NAA15: variants seen among roughly 807,000 people sequenced by gnomAD.
The protein encoded by NAA15 is N-alpha-acetyltransferase 15, NatA auxiliary subunit.
A neutral mutation model predicts 114.0 loss-of-function variants in NAA15; 34 were observed. That is an observed-to-expected ratio of 0.30 (90% confidence interval 0.23 to 0.40). The LOEUF is 0.40. Ranked by LOEUF, NAA15 falls within the 10% of genes least tolerant of loss-of-function variation. The pLI, the probability that NAA15 is intolerant of heterozygous loss-of-function variation, is 1.00. For missense variants in NAA15, 658 were observed against 1,004.5 expected, an observed-to-expected ratio of 0.66 and a Z score of 4.66; for synonymous variants, 340 against 338.0, an observed-to-expected ratio of 1.01 and a Z score of -0.06.
intron 15 of NAA15, among the ~76,000 whole-genome samples, chr4:139,372,375 T>C (rs1246439048): frequency 6.6e-6 from 1 of 152,218 alleles, no homozygotes; most frequent in Admixed American, 6.5e-5. Context: ...GATAACAACC[T>C]GTGGTCTAAT....
At chr4:139,376,520 T>G (rs1421548741) in intron 16 of NAA15, 47 bp downstream of exon 16, 1 of 1,153,354 alleles carries the variant, frequency 8.7e-7, no homozygotes, top group East Asian at 2.3e-5. Flanking sequence ...ATCACTGTAT[T>G]TCTTAGGTAT....
chr4:139,301,885 C>T (rs1442529492), intron 1 of NAA15, 54 bp downstream of exon 1: 4 of 1,539,950 alleles, frequency 2.6e-6, no homozygotes, highest in Admixed American at 1.9e-5. Context: ...GTAACCGGGC[C>T]TGTCACCCCT....
intron 4 of NAA15, among the ~76,000 whole-genome samples, chr4:139,342,555 T>A (rs1747444595): frequency 6.6e-6 from 1 of 150,772 alleles, no homozygotes; most frequent in African/African-American, 2.5e-5. Context: ...GTTCAAGTGA[T>A]TCTCCCGCCT....
Position 139,384,933 on chromosome 4 carries a change from A to T in NAA15, c.2257A>T (p.Thr753Ser). 6.4e-7 allele frequency: 1 copy of T among 1,567,938 alleles called. No homozygotes were observed. The highest frequency in any genetic ancestry group is 1.2e-5 in the South Asian group (1 of 81,046). The change falls in exon 18 of 20, where the codon ACT becomes TCT. Residue 753 changes from threonine (T) to serine (S), a missense_variant. By Grantham distance (58) the Thr-to-Ser change is moderately conservative. Transcript: ENST00000296543. ...GATNPKNFNE[T>S]FLKRNSDSLP... The stretch of plus-strand genomic sequence containing the variant: ...AACGAATCCAAAGAATTTTAATGAA[A>T]CTTTTCTGAAAAGGAATTCTGATTC...
At chr4:139,374,010 T>A (rs1230040824) in intron 15 of NAA15, among the ~76,000 whole-genome samples, 1 of 152,012 alleles carries the variant, frequency 6.6e-6, no homozygotes, top group Non-Finnish European at 1.5e-5. Context: ...CAGCCTAGCA[T>A]TTTTTTTCCT....
intron 1 of NAA15, 71 bp downstream of exon 1, chr4:139,301,902 G>GGCCCGGCGGGCACTGAGCCACTCCC: frequency 6.7e-7 from 1 of 1,500,090 alleles, no homozygotes; most frequent in African/African-American, 1.4e-5. Context: ...CCCTAACCTC[G>GGCCCGGCGGGCACTGAGCCACTCCC]GCCCGGCGGG....
intron 1 of NAA15, 135 bp downstream of exon 1, chr4:139,301,966 T>TG (rs1490452283): frequency 7.7e-6 from 7 of 907,856 alleles, no homozygotes; most frequent in Non-Finnish European, 1.2e-5. Context: ...TCAGGCCGAA[T>TG]GCATTGCTTT....
At chr4:139,355,189 C>T (rs1157655130) in intron 10 of NAA15, among the ~76,000 whole-genome samples, 1 of 152,072 alleles carries the variant, frequency 6.6e-6, no homozygotes, top group African/African-American at 2.4e-5. Context: ...AAAATTAATA[C>T]TTTCTTAATA....
At chr4:139,360,106 T>C (rs1405040487) in intron 12 of NAA15, among the ~76,000 whole-genome samples, 1 of 152,202 alleles carries the variant, frequency 6.6e-6, no homozygotes, top group Non-Finnish European at 1.5e-5. Context: ...ACTTTTAAAC[T>C]GGTTTATATT....
intron 1 of NAA15, among the ~76,000 whole-genome samples, chr4:139,310,817 C>G (rs899034029): frequency 6.6e-6 from 1 of 151,702 alleles, no homozygotes; most frequent in Non-Finnish European, 1.5e-5. Flanking sequence ...CGGGGTTTCA[C>G]CATGTTGGCC....
chr4:139,362,015 A>G (rs1213914402), intron 14 of NAA15, 78 bp downstream of exon 14: 2 of 996,896 alleles, frequency 2.0e-6, no homozygotes, highest in East Asian at 2.5e-5. Context: ...ATTTAATAGT[A>G]TTGCTCCATG....
chr4:139,314,905 T>A (rs1210983656), intron 1 of NAA15, among the ~76,000 whole-genome samples: 1 of 151,754 alleles, frequency 6.6e-6, no homozygotes, highest in Non-Finnish European at 1.5e-5. Context: ...CTCAATCTCT[T>A]GACATTGTGA....
intron 1 of NAA15, among the ~76,000 whole-genome samples, chr4:139,329,575 C>A (rs1167224458): frequency 3.3e-5 from 5 of 152,078 alleles, no homozygotes; most frequent in Non-Finnish European, 5.9e-5. Context: ...TAAGGAATGA[C>A]CTTTTTGCAG....
chr4:139,361,834 G>C lies in NAA15; in HGVS notation c.1650G>C (p.Gln550His). 3 of 1,613,356 alleles carry C rather than the reference G, an allele frequency of 1.9e-6. No homozygotes were observed. Among genetic ancestry groups the C allele is most frequent in the Non-Finnish European group, 2.5e-6 (3 of 1,179,472 alleles). ...DLLKLEDVLR[Q>H]HPFYFKAARI... ...TAAAACTAGAAGATGTACTTCGACAGCATCCATTTTACTTCAAGGCAGCAA... is the reference window on the plus strand; with the variant it reads ...TAAAACTAGAAGATGTACTTCGACACCATCCATTTTACTTCAAGGCAGCAA... The change falls in exon 14 of 20, where the codon CAG (glutamine) becomes CAC (histidine). Residue 550 changes from glutamine (Q) to histidine (H), a missense_variant. Transcript: ENST00000296543.
chr4:139,308,130 T>A (rs1199671766), intron 1 of NAA15, among the ~76,000 whole-genome samples: 1 of 151,784 alleles, frequency 6.6e-6, no homozygotes, highest in East Asian at 1.9e-4. Flanking sequence ...CCCAGCTAAT[T>A]TTTTGTATTT....
chr4:139,326,446 A>G (rs1579094731), intron 1 of NAA15, among the ~76,000 whole-genome samples: 2 of 152,208 alleles, frequency 1.3e-5, no homozygotes, highest in East Asian at 1.9e-4. Flanking sequence ...AGTGTTTTAC[A>G]TGTCTTTTTC....
Position 139,388,900 on chromosome 4 carries a change from CA to C in NAA15, c.*818del, listed in dbSNP as rs1255525250. 2 of 152,564 alleles carry C rather than the reference CA, an allele frequency of 1.3e-5. No homozygotes were observed. 9.5% of individuals were successfully genotyped at this position (152,564 alleles called of 1,614,324 possible). ...CTGTGATGTGGCACCAACTAATTAG[CA>C]AGCATGAATTTTTCACCCAAGAGTG... is the stretch of plus-strand genomic sequence containing the variant. On this transcript the variant is annotated 3_prime_UTR_variant, in exon 20 of 20. Coordinates refer to ENST00000296543, the MANE Select transcript of NAA15 (RefSeq NM_057175.5).
chr4:139,343,486 C>A (rs991156358), intron 5 of NAA15, among the ~76,000 whole-genome samples: 1 of 151,994 alleles, frequency 6.6e-6, no homozygotes, highest in Admixed American at 6.6e-5. Context: ...CTCTTTTAAT[C>A]TGAAACAGTT....
chr4:139,344,381 T>A, intron 6 of NAA15, 42 bp downstream of exon 6: 1 of 1,540,014 alleles, frequency 6.5e-7, no homozygotes, highest in Non-Finnish European at 8.9e-7. Flanking sequence ...TATTGAAATA[T>A]GACAGAGCAA....
Sources: gnomAD v4.1 joint callset for allele counts (sites outside exome capture counted in the v4.1 genomes callset) on GRCh38, gnomAD v4.1.1 for gene constraint, MANE v1.5 for transcripts, NCBI Gene and HGNC (gene_info 2026-07-23, HGNC 2026-07-21) for gene names.